SEMA3E: variants seen among roughly 807,000 people sequenced by gnomAD.
SEMA3E encodes the protein semaphorin 3E, also known as semaphorin-3E.
SEMA3E carries 49 observed loss-of-function variants against 93.6 expected under a neutral mutation model. The ratio of observed to expected loss-of-function variants is 0.52; its 90% CI spans 0.42 to 0.66. The LOEUF (loss-of-function observed/expected upper bound fraction) is 0.66. SEMA3E is among the 30% of genes least tolerant of loss of function. The pLI, the probability that SEMA3E is intolerant of heterozygous loss-of-function variation, is 0.00. For missense variants in SEMA3E, 906 were observed against 964.8 expected (o/e 0.94, Z 0.81); for synonymous variants, 363 against 330.7 (o/e 1.10, Z -1.06).
chr7:83,509,018 C>T (rs1290710578), intron 1 of SEMA3E, among the ~76,000 whole-genome samples: 1 of 152,114 alleles, frequency 6.6e-6, no homozygotes, highest in Non-Finnish European at 1.5e-5. Context: ...GAAGGGGGAA[C>T]ATGTAAAGGG....
intron 1 of SEMA3E, among the ~76,000 whole-genome samples, chr7:83,526,551 C>T (rs1190234767): frequency 6.6e-6 from 1 of 152,032 alleles, no homozygotes; most frequent in Non-Finnish European, 1.5e-5. Context: ...ACTTTCAATT[C>T]CTGAAGCTTT....
intron 1 of SEMA3E, among the ~76,000 whole-genome samples, chr7:83,623,847 G>A (rs1296369331): frequency 1.3e-5 from 2 of 149,676 alleles, no homozygotes; most frequent in African/African-American, 4.9e-5. Flanking sequence ...TCTACATTAG[G>A]TATTTTTCCT....
chr7:83,516,444 A>G (rs1315072724), intron 1 of SEMA3E, among the ~76,000 whole-genome samples: 1 of 152,224 alleles, frequency 6.6e-6, no homozygotes, highest in Admixed American at 6.5e-5. Flanking sequence ...GTATTTAGGA[A>G]AAAACATATT....
chr7:83,550,567 T>C (rs974185685), intron 1 of SEMA3E, among the ~76,000 whole-genome samples: 16 of 152,172 alleles, frequency 1.1e-4, no homozygotes, highest in Non-Finnish European at 1.6e-4. Flanking sequence ...TGAGAAGCTA[T>C]TATCTGACAT....
At chr7:83,620,569 C>T (rs1562858424) in intron 1 of SEMA3E, among the ~76,000 whole-genome samples, 2 of 152,012 alleles carry the variant, frequency 1.3e-5, no homozygotes, top group Non-Finnish European at 2.9e-5. Context: ...GGCAAATATC[C>T]CTGATGAATA....
At position 83,513,595 on chromosome 7, in the gene SEMA3E, G is replaced by T. The variant is rs145944905; in HGVS notation, c.116-23321C>A. On this transcript the variant is annotated intron_variant, in intron 1 of 16. Coordinates refer to ENST00000643230, the MANE Select transcript of SEMA3E (RefSeq NM_012431.3). ...GAGACTATATTTAGGTTATCTTTTAGCTTTAAAGGCAACATTATCACTGGG... is the reference window on the plus strand; with the variant it reads ...GAGACTATATTTAGGTTATCTTTTATCTTTAAAGGCAACATTATCACTGGG... Among the ~76,000 whole-genome samples the T allele has an allele frequency of 7.5e-4, 114 of 152,192 alleles. 1 individual carries two copies. Among genetic ancestry groups the T allele is most frequent in the African/African-American group, 2.6e-3 (106 of 41,524 alleles).
intron 16 of SEMA3E, chr7:83,371,365 G>A (rs1029385053): frequency 4.6e-5 from 7 of 152,132 alleles, no homozygotes; most frequent in Admixed American, 3.3e-4. Context: ...TCATCACATG[G>A]TATAGCTACA....
intron 1 of SEMA3E, among the ~76,000 whole-genome samples, chr7:83,646,381 T>C (rs1325847840): frequency 2.0e-5 from 3 of 152,072 alleles, no homozygotes; most frequent in Non-Finnish European, 4.4e-5. Context: ...GTATATATGC[T>C]CTTCTTTTCA....
intron 1 of SEMA3E, among the ~76,000 whole-genome samples, chr7:83,559,135 A>C (rs1791976498): frequency 6.6e-6 from 1 of 152,106 alleles, no homozygotes; most frequent in Non-Finnish European, 1.5e-5. Context: ...CTTGGAGCTG[A>C]GAACAAGTCC....
At chr7:83,560,533 G>A (rs976779525) in intron 1 of SEMA3E, among the ~76,000 whole-genome samples, 1 of 152,036 alleles carries the variant, frequency 6.6e-6, no homozygotes, top group Non-Finnish European at 1.5e-5. Flanking sequence ...TTATTGCCTT[G>A]TGGATAGATA....
intron 1 of SEMA3E, among the ~76,000 whole-genome samples, chr7:83,584,362 A>T (rs1407948642): frequency 6.6e-6 from 1 of 152,138 alleles, no homozygotes; most frequent in Non-Finnish European, 1.5e-5. Context: ...CCATAAGCTG[A>T]CCTTGTGGGA....
intron 1 of SEMA3E, among the ~76,000 whole-genome samples, chr7:83,645,034 C>T (rs1794061814): frequency 6.6e-6 from 1 of 151,930 alleles, no homozygotes; most frequent in Admixed American, 6.6e-5. Flanking sequence ...CCATGTACAT[C>T]GGTATTTCTT....
At chr7:83,429,290 C>T (rs1406253036) in intron 4 of SEMA3E, among the ~76,000 whole-genome samples, 1 of 152,072 alleles carries the variant, frequency 6.6e-6, no homozygotes, top group Non-Finnish European at 1.5e-5. Context: ...TATTTGAAGG[C>T]AAAATTCTGT....
At chr7:83,632,754 G>GA (rs1011596894) in intron 1 of SEMA3E, among the ~76,000 whole-genome samples, 1 of 151,854 alleles carries the variant, frequency 6.6e-6, no homozygotes, top group Non-Finnish European at 1.5e-5. Context: ...TGGCATTAAA[G>GA]AAAAAAAACT....
chr7:83,492,154 G>C (rs1021485330), intron 1 of SEMA3E, among the ~76,000 whole-genome samples: 1 of 151,988 alleles, frequency 6.6e-6, no homozygotes, highest in Non-Finnish European at 1.5e-5. Flanking sequence ...AGCTTGAATA[G>C]GTTCCTAGAC....
At chr7:83,500,054 T>G in intron 1 of SEMA3E, among the ~76,000 whole-genome samples, 1 of 152,234 alleles carries the variant, frequency 6.6e-6, no homozygotes, top group Non-Finnish European at 1.5e-5. Flanking sequence ...AATAAGATGT[T>G]ATAGATATTC....
At chr7:83,423,035 A>G (rs1218928010) in intron 4 of SEMA3E, among the ~76,000 whole-genome samples, 1 of 152,182 alleles carries the variant, frequency 6.6e-6, no homozygotes, top group Non-Finnish European at 1.5e-5. Context: ...GGTATTAAGT[A>G]TCTTACATAC....
At chr7:83,631,966 A>ACCTCG (rs1793794005) in intron 1 of SEMA3E, among the ~76,000 whole-genome samples, 1 of 152,004 alleles carries the variant, frequency 6.6e-6, no homozygotes, top group East Asian at 1.9e-4. Context: ...GACCAGCCTG[A>ACCTCG]ACAACATGGA....
Position 83,535,280 on chromosome 7 carries a change from G to A in SEMA3E, c.116-45006C>T, listed in dbSNP as rs529235410. 1.8e-3 allele frequency among the ~76,000 whole-genome samples: 268 copies of A among 152,220 alleles called. 3 individuals carry two copies. Among genetic ancestry groups the A allele is most frequent in the African/African-American group, 6.2e-3 (256 of 41,544 alleles). ...TGGCTTTTCCTTGCTTTCTAAGGAGGGGTGGTATTGGGCATCAACCATGCT... is the reference window on the plus strand; with the variant it reads ...TGGCTTTTCCTTGCTTTCTAAGGAGAGGTGGTATTGGGCATCAACCATGCT... On this transcript the variant is annotated intron_variant, in intron 1 of 16. Coordinates refer to ENST00000643230, the MANE Select transcript of SEMA3E (RefSeq NM_012431.3).
Sources: gnomAD v4.1 joint callset for allele counts (sites outside exome capture counted in the v4.1 genomes callset) on GRCh38, gnomAD v4.1.1 for gene constraint, MANE v1.5 for transcripts, NCBI Gene and HGNC (gene_info 2026-07-23, HGNC 2026-07-21) for gene names.